Variants in ACSL6 observed in about 807,000 individuals in gnomAD.
ACSL6 encodes the protein acyl-CoA synthetase long chain family member 6, also known as long-chain-fatty-acid--CoA ligase 6.
A neutral mutation model predicts 98.2 loss-of-function variants in ACSL6; 47 were observed. The observed-to-expected ratio is 0.48, with a 90% CI of 0.38 to 0.61. The LOEUF (loss-of-function observed/expected upper bound fraction) is 0.61, where lower values mean the gene tolerates loss of function less well. ACSL6 is among the 20% of genes least tolerant of loss of function. ACSL6 has a pLI of 0.00. For missense variants in ACSL6, 761 were observed against 913.4 expected (o/e 0.83, Z 2.15); for synonymous variants, 362 against 336.9 (o/e 1.07, Z -0.82).
intron 19 of ACSL6, among the ~76,000 whole-genome samples, chr5:131,960,233 C>T (rs180712615): frequency 6.6e-6 from 1 of 152,156 alleles, no homozygotes; most frequent in Non-Finnish European, 1.5e-5. Context: ...AAGTTACCCC[C>T]CTCCCTGGAC....
chr5:131,995,500 G>A (rs773618066), intron 1 of ACSL6, among the ~76,000 whole-genome samples: 11 of 152,066 alleles, frequency 7.2e-5, no homozygotes, highest in East Asian at 1.9e-4. Context: ...GTACCACCCC[G>A]AGGCACCCTC....
chr5:131,971,724 A>G (rs1753318761), intron 13 of ACSL6, 79 bp from the exon 14 acceptor site: 1 of 1,223,012 alleles, frequency 8.2e-7, no homozygotes, highest in African/African-American at 1.5e-5. Flanking sequence ...ATCCAAGGTC[A>G]ACATCCAACA....
Position 131,988,799 on chromosome 5 carries a change from G to C in ACSL6, c.652+6C>G, listed in dbSNP as rs1006271802. ...CAGTGGCAGGGTGGGGTGGCAGTGG[G>C]CTTACCTGTATTGATGATGTAGCGG... is the stretch of plus-strand genomic sequence containing the variant. On this transcript the variant is annotated splice_donor_region_variant and intron_variant, in intron 6 of 20. Transcript: ENST00000651883. 1.9e-5 allele frequency: 30 copies of C among 1,613,602 alleles called. No homozygotes were observed. The highest frequency in any genetic ancestry group is 1.6e-4 in the Middle Eastern group (1 of 6,062).
At chr5:131,958,320 C>T (rs115606734) in intron 20 of ACSL6, among the ~76,000 whole-genome samples, 2,783 of 152,272 alleles carry the variant, frequency 0.018, 40 homozygotes, top group Middle Eastern at 0.078. Context: ...GCCAGGCCTA[C>T]GACCACTCAT....
chr5:131,973,431 C>T (rs1243393852), intron 11 of ACSL6, 31 bp from the exon 12 acceptor site: 4 of 1,609,942 alleles, frequency 2.5e-6, no homozygotes, highest in South Asian at 1.1e-5. Context: ...GGGAGGAGTC[C>T]CTTAGGGTGG....
At chr5:131,970,469 G>A (rs963574914) in intron 14 of ACSL6, among the ~76,000 whole-genome samples, 2 of 151,420 alleles carry the variant, frequency 1.3e-5, no homozygotes, top group Non-Finnish European at 2.9e-5. Context: ...GAGTGCAATG[G>A]CGTGATCTCC....
At chr5:131,995,088 A>G (rs1273980332) in intron 1 of ACSL6, among the ~76,000 whole-genome samples, 1 of 152,150 alleles carries the variant, frequency 6.6e-6, no homozygotes, top group Non-Finnish European at 1.5e-5. Flanking sequence ...ATCTCCTGCC[A>G]TGTCACAGAT....
At chr5:131,990,239 A>G in intron 3 of ACSL6, 75 bp from the exon 4 acceptor site, 2 of 1,418,440 alleles carry the variant, frequency 1.4e-6, no homozygotes, top group Non-Finnish European at 2.0e-6. Context: ...CCCATCAGAA[A>G]CCTGGATGGA....
chr5:132,006,726 C>A (rs1220906533), intron 1 of ACSL6: 2 of 152,252 alleles, frequency 1.3e-5, no homozygotes, highest in Non-Finnish European at 2.9e-5. Context: ...AACTGGTCAC[C>A]CAGAAGCTGT....
Position 131,989,453 on chromosome 5 carries a change from G to A in ACSL6, c.506C>T (p.Ala169Val), listed in dbSNP as rs371547713. 1.8e-5 allele frequency: 29 copies of A among 1,613,982 alleles called. No individual in the cohort carries two copies. Among genetic ancestry groups the A allele is most frequent in the Non-Finnish European group, 2.3e-5 (27 of 1,180,018 alleles). The stretch of plus-strand genomic sequence containing the variant: ...AACACCAATAAACTGATCAGTGCAT[G>A]CTTTACAATTGTGCTGGAGAAGTCC... ...GSGLLQHNCKACTDQFIGVFA... is the reference protein window; with the variant it reads ...GSGLLQHNCKVCTDQFIGVFA... The change falls in exon 5 of 21, where the codon GCA (alanine) becomes GTA (valine). Residue 169 changes from alanine to valine, a missense_variant. Ala to Val is a moderately conservative substitution (Grantham distance 64). Transcript: ENST00000651883.
rs148922137 is a variant in ACSL6, at chr5:131,962,577, G to A, written c.1815C>T (p.Ser605=). The stretch of plus-strand genomic sequence containing the variant: ...GGACATAGATTTGCGCCACAGGTTG[G>A]CTCCGGATGTAGATGTTCTCAATCT... ...PEKIENIYIR[S]QPVAQIYVHG... The change falls in exon 18 of 21, where the codon AGC becomes AGT. Residue 605 remains serine, a synonymous_variant. Coordinates refer to ENST00000651883, the MANE Select transcript of ACSL6 (RefSeq NM_001009185.3). 2.1e-4 allele frequency: 339 copies of A among 1,614,080 alleles called. No homozygotes were observed. In the African/African-American group the frequency reaches 4.0e-3, roughly 19 times the overall value.
chr5:131,982,088 C>A (rs559494360), intron 9 of ACSL6: 1 of 151,226 alleles, frequency 6.6e-6, no homozygotes, highest in Non-Finnish European at 1.5e-5. Context: ...GATCTCCTGA[C>A]CTTGTGATCT....
At position 131,972,841 on chromosome 5, in the gene ACSL6, G is replaced by A. The variant is rs776023629; in HGVS notation, c.1221C>T (p.Asn407=). 6.2e-7 allele frequency: 1 copy of A among 1,614,204 alleles called. No individual in the cohort carries two copies. The highest frequency in any genetic ancestry group is 8.5e-7 in the Non-Finnish European group (1 of 1,180,034). The change falls in exon 13 of 21, where the codon AAC becomes AAT. Residue 407 remains asparagine (N), a synonymous_variant. Transcript: ENST00000651883. ...RMYDKIFSQA[N]TPLKRWLLEF... Reference sequence around the variant, plus strand: ...CCAGGAGCCAGCGCTTTAATGGTGTGTTTGCCTGGCTGAAGATCTGAGGAA... The same window carrying A: ...CCAGGAGCCAGCGCTTTAATGGTGTATTTGCCTGGCTGAAGATCTGAGGAA...
In ACSL6 at chr5:131,951,232, T is replaced by A. The variant is rs17132127; in HGVS notation, c.*3002A>T. On this transcript the variant is annotated 3_prime_UTR_variant, in exon 21 of 21. Transcript: ENST00000651883. ...TGTTATACTTCTAGGCTTAAATAGA[T>A]CCAATGCCCAATATGAATGTGACCA... 0.078 allele frequency: 16,612 copies of A among 212,572 alleles called. 1,622 individuals carry two copies. Among genetic ancestry groups the A allele is most frequent in the African/African-American group, 0.26 (11,446 of 44,228 alleles). The allele number at this position is 212,572 out of a possible 1,614,324, so 13.2% of individuals were successfully genotyped here. A position where few individuals can be genotyped will look rare whatever the true frequency, so the allele number is the denominator to read the frequency against.
chr5:131,991,204 A>G (rs534181415), intron 2 of ACSL6, among the ~76,000 whole-genome samples: 5 of 152,224 alleles, frequency 3.3e-5, no homozygotes, highest in African/African-American at 1.2e-4. Context: ...CGGGTATACC[A>G]GTGTCCCCAC....
intron 1 of ACSL6, among the ~76,000 whole-genome samples, chr5:131,995,253 G>A (rs1011750926): frequency 1.3e-5 from 2 of 152,214 alleles, no homozygotes; most frequent in South Asian, 2.1e-4. Context: ...AGGGGCCTGC[G>A]GCATCCTCCT....
chr5:131,976,600 G>T, intron 10 of ACSL6, 48 bp downstream of exon 10: 4 of 1,450,298 alleles, frequency 2.8e-6, no homozygotes, highest in Non-Finnish European at 3.9e-6. Context: ...TCTGAGGCTT[G>T]AGGTTGTCCT....
intron 1 of ACSL6, among the ~76,000 whole-genome samples, chr5:131,996,745 C>A (rs1013574302): frequency 1.3e-5 from 2 of 152,224 alleles, no homozygotes; most frequent in African/African-American, 4.8e-5. Context: ...TTCAACGCAT[C>A]TGGCAGACCC....
In ACSL6 at chr5:131,952,472, A is replaced by T; in HGVS notation, c.*1762T>A. ...TTTAACTAACAGCATTTATTTTTGC[A>T]AACTGCTTGGCATTCCTCCAAGGGA... On this transcript the variant is annotated 3_prime_UTR_variant, in exon 21 of 21. Coordinates refer to ENST00000651883, the MANE Select transcript of ACSL6 (RefSeq NM_001009185.3). 1 of 215,750 alleles carries T rather than the reference A, an allele frequency of 4.6e-6. No homozygotes were observed. The highest frequency in any genetic ancestry group is 1.4e-3 in the Middle Eastern group (1 of 690). The allele number at this position is 215,750 out of a possible 1,614,324, so 13.4% of individuals were successfully genotyped here.
Sources: gnomAD v4.1 joint callset for allele counts (sites outside exome capture counted in the v4.1 genomes callset) on GRCh38, gnomAD v4.1.1 for gene constraint, MANE v1.5 for transcripts, NCBI Gene and HGNC (gene_info 2026-07-23, HGNC 2026-07-21) for gene names.